The following FAM83E variants were observed in gnomAD, a reference collection of about 807,000 sequenced individuals.
FAM83E encodes protein FAM83E.
FAM83E carries 29 observed loss-of-function variants against 34.3 expected under a neutral mutation model. That is an observed-to-expected ratio of 0.85 (90% CI 0.63 to 1.15). The LOEUF (loss-of-function observed/expected upper bound fraction) is 1.15. FAM83E is among the 50% of genes most tolerant of loss of function. The pLI, the probability that FAM83E is intolerant of heterozygous loss-of-function variation, is 0.00. For synonymous variants in FAM83E, 312 were observed against 311.6 expected (o/e 1.00, Z -0.01); for missense variants, 697 against 685.0 (o/e 1.02, Z -0.20).
rs1231151965 is a variant in FAM83E, at chr19:48,606,878, C to G, written c.759-2967G>C. On this transcript the variant is annotated intron_variant, in intron 5 of 6. Coordinates refer to ENST00000263266, the MANE Select transcript of FAM83E (RefSeq NM_017708.4). ...GAGGCCAGGACCAGGGCCAAAGTCC[C>G]GTGGGCAAGAGGAGTCCTCAGAGGT... 1.0e-5 allele frequency: 15 copies of G among 1,434,108 alleles called. No individual in the cohort carries two copies. The East Asian group carries it at 3.4e-4, about 33-fold the overall frequency. 88.8% of individuals were successfully genotyped at this position (1,434,108 alleles called of 1,614,324 possible). A position where few individuals can be genotyped will look rare whatever the true frequency, so the allele number is the denominator to read the frequency against.
chr19:48,610,065 C>T (rs1974014691), intron 4 of FAM83E, 65 bp from the exon 5 acceptor site: 3 of 1,574,690 alleles, frequency 1.9e-6, no homozygotes, highest in Non-Finnish European at 1.7e-6. Context: ...CAGGCTCCCT[C>T]CAGACTGGTT....
chr19:48,607,941 A>G (rs961269031), intron 5 of FAM83E, among the ~76,000 whole-genome samples: 1 of 151,388 alleles, frequency 6.6e-6, no homozygotes, highest in East Asian at 1.9e-4. Flanking sequence ...GAAGGTAAAC[A>G]CTCTTTCAAA....
At chr19:48,603,191 AT>A (rs750080351) in intron 6 of FAM83E, among the ~76,000 whole-genome samples, 1 of 152,054 alleles carries the variant, frequency 6.6e-6, no homozygotes, top group Admixed American at 6.6e-5. Flanking sequence ...TCCTTCCTAG[AT>A]GAGGATACCG....
Position 48,605,937 on chromosome 19 carries a change from G to A in FAM83E, c.759-2026C>T, listed in dbSNP as rs191455453. Among the ~76,000 whole-genome samples, 12 of 152,256 alleles carry A rather than the reference G, an allele frequency of 7.9e-5. No individual in the cohort carries two copies. In the East Asian group the frequency reaches 9.6e-4, roughly 12 times the overall value. ...TGAATTTGAATCAAGCCCCCTGCAC[G>A]TAGCTGGCCCTGAGAGCCTGTGAGC... On this transcript the variant is annotated intron_variant, in intron 5 of 6. Transcript: ENST00000263266.
At chr19:48,602,318 C>T (rs370943525) in intron 6 of FAM83E, among the ~76,000 whole-genome samples, 1 of 149,870 alleles carries the variant, frequency 6.7e-6, no homozygotes, top group South Asian at 2.1e-4. Flanking sequence ...AGGAAGGCAG[C>T]AGCAGGAGGA....
rs376993693 is a variant in FAM83E, at chr19:48,602,015, G to T, written c.1177-646C>A. Among the ~76,000 whole-genome samples, 63 of 151,544 alleles carry T rather than the reference G, an allele frequency of 4.2e-4. 1 individual carries two copies. The South Asian group carries it at 0.013, about 31-fold the overall frequency. ...AAATTAGCCAGGCGTGGTGGCGTGG[G>T]TCTGTAATCCTAGCTACTTGGAAGG... is the stretch of plus-strand genomic sequence containing the variant. On this transcript the variant is annotated intron_variant, in intron 6 of 6. Coordinates refer to ENST00000263266, the MANE Select transcript of FAM83E (RefSeq NM_017708.4).
chr19:48,606,990 C>T (rs1462631356), intron 5 of FAM83E: 1 of 1,607,328 alleles, frequency 6.2e-7, no homozygotes, highest in Non-Finnish European at 8.5e-7. Context: ...TGGTCCTGTG[C>T]TGGCTGCTGC....
In FAM83E at chr19:48,603,549, A is replaced by G. The variant is rs1973868376; in HGVS notation, c.1121T>C (p.Met374Thr). The G allele has an allele frequency of 3.2e-6, 5 of 1,566,894 alleles. No homozygotes were observed. The African/African-American group carries it at 4.2e-5, about 13-fold the overall frequency. ...SGPPARPSRS[M>T]WDLSRLSQLS... ...CTGGGACAGGCGGCTTAGGTCCCAC[A>G]TGGAGCGGCTGGGCCGGGCCGGGGG... The change falls in exon 6 of 7, where the codon ATG becomes ACG. Residue 374 changes from methionine (M) to threonine (T), a missense_variant. Coordinates refer to ENST00000263266, the MANE Select transcript of FAM83E (RefSeq NM_017708.4).
At chr19:48,604,062 CT>C (rs1973883826) in intron 5 of FAM83E, 151 bp from the exon 6 acceptor site, 2 of 727,660 alleles carry the variant, frequency 2.7e-6, no homozygotes, top group East Asian at 6.7e-5. Flanking sequence ...ATGGGCACAA[CT>C]GAAGTACCTA....
At chr19:48,607,705 T>G in intron 5 of FAM83E, 1 of 236,024 alleles carries the variant, frequency 4.2e-6, no homozygotes, top group Non-Finnish European at 8.3e-6. Context: ...TGACAGCTGA[T>G]GTTCATGGAG....
chr19:48,610,688 T>C lies in FAM83E; in HGVS notation c.625A>G (p.Asn209Asp). 6.4e-7 allele frequency: 1 copy of C among 1,568,406 alleles called. No individual in the cohort carries two copies. Among genetic ancestry groups the C allele is most frequent in the Non-Finnish European group, 8.6e-7 (1 of 1,156,984 alleles). Residue 209 changes from asparagine to aspartate, a missense_variant, in exon 4 of 7, where the codon AAC becomes GAC. Asn to Asp is a conservative substitution (Grantham distance 23, BLOSUM62 1). Transcript: ENST00000263266. ...LAQQLGVNPW[N>D]TENVDVRVVR... ...CCTGGCCCGGCCCCTACCTCCGTGT[T>C]CCAGGGGTTCACCCCCAGCTGCTGG...
Position 48,613,638 on chromosome 19 carries a change from C to G in FAM83E, c.-266G>C. 5 of 1,326,604 alleles carry G rather than the reference C, an allele frequency of 3.8e-6. No individual in the cohort carries two copies. The highest frequency in any genetic ancestry group is 4.8e-6 in the Non-Finnish European group (5 of 1,039,292). 82.2% of individuals were successfully genotyped at this position (1,326,604 alleles called of 1,614,324 possible). ...CGCCACCTGCCTGCACCCAGTGGCACCATGCCTGGCTGGCCTTCCGTGACC... is the reference window on the plus strand; with the variant it reads ...CGCCACCTGCCTGCACCCAGTGGCAGCATGCCTGGCTGGCCTTCCGTGACC... On this transcript the variant is annotated 5_prime_UTR_variant, in exon 3 of 7. Coordinates refer to ENST00000263266, the MANE Select transcript of FAM83E (RefSeq NM_017708.4).
rs1435562192 is a variant in FAM83E, at chr19:48,601,290, C to T, written c.1256G>A (p.Gly419Glu). 6.3e-7 allele frequency: 1 copy of T among 1,579,632 alleles called. No homozygotes were observed. Among genetic ancestry groups the T allele is most frequent in the African/African-American group, 1.3e-5 (1 of 74,238 alleles). Residue 419 changes from glycine (G) to glutamate (E), a missense_variant, in exon 7 of 7, where the codon GGG (glycine) becomes GAG (glutamate). Transcript: ENST00000263266. Reference protein sequence around the residue: ...RQRGTGGGPWGEVDSRPPWGG... With the variant: ...RQRGTGGGPWEEVDSRPPWGG... ...CCACGGAGGTCGGGAGTCCACTTCC[C>T]CCCAGGGGCCTCCTCCAGTGCCCCG...
intron 5 of FAM83E, 142 bp downstream of exon 5, chr19:48,609,734 C>T: frequency 1.0e-6 from 1 of 966,612 alleles, no homozygotes; most frequent in Non-Finnish European, 1.5e-6. Flanking sequence ...CCAACCTCCT[C>T]CGCAGGGAAG....
At chr19:48,608,448 T>A (rs556891021) in intron 5 of FAM83E, among the ~76,000 whole-genome samples, 5 of 146,862 alleles carry the variant, frequency 3.4e-5, no homozygotes, top group South Asian at 2.2e-4. Context: ...TTTTTTTTTT[T>A]TTTTTTTATT....
rs1974090340 is a variant in FAM83E, at chr19:48,613,500, C to CG, written c.-129dup. The CG allele has an allele frequency of 9.8e-6, 14 of 1,428,800 alleles. 1 individual carries two copies. In the African/African-American group the frequency reaches 1.6e-4, roughly 16 times the overall value. The allele number at this position is 1,428,800 out of a possible 1,614,324, so 88.5% of individuals were successfully genotyped here. On this transcript the variant is annotated 5_prime_UTR_variant, in exon 3 of 7. An upstream open reading frame in the 5' UTR gains an earlier in-frame stop. Transcript: ENST00000263266. ...ACCCTACGTGGCCATCCGAGGCCTC[C>CG]GGCGGGGCCCTGCAGATGTCCAAAT... is the stretch of plus-strand genomic sequence containing the variant.
chr19:48,606,942 G>C, intron 5 of FAM83E: 1 of 1,590,868 alleles, frequency 6.3e-7, no homozygotes, highest in Non-Finnish European at 8.5e-7. Flanking sequence ...GGAAGCCCAC[G>C]GCCTGGCTGG....
intron 5 of FAM83E, 49 bp downstream of exon 5, chr19:48,609,827 A>G: frequency 6.3e-7 from 1 of 1,591,370 alleles, no homozygotes; most frequent in African/African-American, 1.3e-5. Flanking sequence ...CACTGAGGGA[A>G]AGTGGGGTAT....
chr19:48,604,011 C>G, intron 5 of FAM83E, 100 bp from the exon 6 acceptor site: 1 of 1,220,928 alleles, frequency 8.2e-7, no homozygotes, highest in South Asian at 1.5e-5. Context: ...GGACCTCAGG[C>G]GAGTCCTGAC....
Sources: gnomAD v4.1 joint callset for allele counts (sites outside exome capture counted in the v4.1 genomes callset) on GRCh38, gnomAD v4.1.1 for gene constraint, MANE v1.5 for transcripts, NCBI Gene and HGNC (gene_info 2026-07-23, HGNC 2026-07-21) for gene names.